APBB2: variants seen among roughly 807,000 people sequenced by gnomAD.
APBB2 encodes the protein amyloid beta precursor protein binding family B member 2, also known as Fe65-like 1.
APBB2 carries 38 observed loss-of-function variants against 82.5 expected under a neutral mutation model. The ratio of observed to expected loss-of-function variants is 0.46; its 90% CI spans 0.36 to 0.60. The LOEUF is 0.60. Among genes scored for constraint, APBB2 ranks in the 20% least tolerant of loss-of-function variants. The pLI is 0.00. For missense variants in APBB2, 772 were observed against 972.3 expected (o/e 0.79, Z 2.74); for synonymous variants, 341 against 368.2 (o/e 0.93, Z 0.85).
intron 12 of APBB2, among the ~76,000 whole-genome samples, chr4:40,882,143 G>C (rs796105802): frequency 6.6e-6 from 1 of 152,164 alleles, no homozygotes; most frequent in African/African-American, 2.4e-5. Flanking sequence ...TCATTTGAAC[G>C]GAGAATAGCA....
In APBB2 at chr4:40,815,693, TA is replaced by T; in HGVS notation, c.*398del. 5.4e-6 allele frequency: 1 copy of T among 183,882 alleles called. No individual in the cohort carries two copies. The highest frequency in any genetic ancestry group is 1.2e-5 in the Non-Finnish European group (1 of 85,218). The allele number at this position is 183,882 out of a possible 1,614,324, so 11.4% of individuals were successfully genotyped here. On this transcript the variant is annotated 3_prime_UTR_variant, in exon 18 of 18. Transcript: ENST00000508593. The stretch of plus-strand genomic sequence containing the variant: ...AAACAGGGCAAAGTGCTGTAGGACT[TA>T]AAGGTTGCTTGTGACAGGTCCAGCC...
chr4:40,959,866 C>T (rs1792609808), intron 6 of APBB2, among the ~76,000 whole-genome samples: 1 of 152,190 alleles, frequency 6.6e-6, no homozygotes, highest in Non-Finnish European at 1.5e-5. Context: ...CTTGATCCCA[C>T]AAAATCTTGC....
intron 5 of APBB2, among the ~76,000 whole-genome samples, chr4:41,016,078 CAT>C (rs928232345): frequency 6.6e-6 from 1 of 151,760 alleles, no homozygotes; most frequent in African/African-American, 2.4e-5. Context: ...CCCTGAGACA[CAT>C]ATCCAGAGCA....
At chr4:40,966,753 G>A (rs539062841) in intron 6 of APBB2, among the ~76,000 whole-genome samples, 1 of 152,314 alleles carries the variant, frequency 6.6e-6, no homozygotes, top group Admixed American at 6.5e-5. Flanking sequence ...GAGAGGCTGA[G>A]GGGAGGTTAA....
chr4:40,976,047 T>C (rs1215429335), intron 6 of APBB2, among the ~76,000 whole-genome samples: 1 of 152,202 alleles, frequency 6.6e-6, no homozygotes, highest in Non-Finnish European at 1.5e-5. Context: ...TATCCTTCTT[T>C]CTGGCCAAAA....
chr4:40,955,983 A>G (rs1276740866), intron 6 of APBB2, among the ~76,000 whole-genome samples: 1 of 152,054 alleles, frequency 6.6e-6, no homozygotes, highest in Non-Finnish European at 1.5e-5. Flanking sequence ...CATGTTGGCC[A>G]GGCTGGTCTC....
intron 12 of APBB2, among the ~76,000 whole-genome samples, chr4:40,881,589 AG>A (rs1768634209): frequency 7.8e-6 from 1 of 127,926 alleles, no homozygotes; most frequent in African/African-American, 3.0e-5. Flanking sequence ...GCTGGAATGC[AG>A]CAGTGCAATC....
intron 6 of APBB2, among the ~76,000 whole-genome samples, chr4:40,982,396 GA>G (rs1433388175): frequency 1.4e-3 from 46 of 33,908 alleles, no homozygotes; most frequent in East Asian, 8.2e-3. Context: ...GGAAGGAAAG[GA>G]AAGGAAAGAA....
intron 1 of APBB2, among the ~76,000 whole-genome samples, chr4:41,150,045 G>A (rs1048957144): frequency 6.6e-6 from 1 of 152,104 alleles, no homozygotes; most frequent in Admixed American, 6.5e-5. Flanking sequence ...ATACACTGGG[G>A]TTCTTACATA....
At position 41,047,688 on chromosome 4, in the gene APBB2, T is replaced by A. The variant is rs568641396; in HGVS notation, c.-50-14384A>T. On this transcript the variant is annotated intron_variant, in intron 4 of 17. Transcript: ENST00000508593. ...CCAGGCTCCAATCCTGGTCTAACGA[T>A]CCCAGAATCCTTAGTTTAACATTCT... 4.6e-5 allele frequency among the ~76,000 whole-genome samples: 7 copies of A among 152,324 alleles called. No individual in the cohort carries two copies. The South Asian group carries it at 8.3e-4, about 18-fold the overall frequency.
chr4:41,079,808 A>G (rs900188752), intron 3 of APBB2, among the ~76,000 whole-genome samples: 1 of 152,074 alleles, frequency 6.6e-6, no homozygotes, highest in African/African-American at 2.4e-5. Context: ...TGGCCTCCCA[A>G]AGTGCTGGGA....
chr4:41,037,703 C>G (rs7665460), intron 4 of APBB2, among the ~76,000 whole-genome samples: 6,975 of 152,122 alleles, frequency 0.046, 331 homozygotes, highest in African/African-American at 0.12. Context: ...AAGTCCTGAT[C>G]TAGAGAATGT....
At chr4:41,033,403 T>C in intron 4 of APBB2, 99 bp from the exon 5 acceptor site, 2 of 744,922 alleles carry the variant, frequency 2.7e-6, no homozygotes, top group East Asian at 3.3e-5. Flanking sequence ...AGCTGTTATA[T>C]ATACCAAACA....
chr4:40,919,227 C>T (rs903191669), intron 10 of APBB2, among the ~76,000 whole-genome samples: 1 of 152,176 alleles, frequency 6.6e-6, no homozygotes, highest in African/African-American at 2.4e-5. Context: ...TACACAGGCA[C>T]GCACATGCAC....
At chr4:41,070,938 T>C (rs910600535) in intron 3 of APBB2, among the ~76,000 whole-genome samples, 2 of 152,250 alleles carry the variant, frequency 1.3e-5, no homozygotes, top group African/African-American at 4.8e-5. Context: ...AGTGTGCAGC[T>C]TTTTAATTAC....
intron 4 of APBB2, among the ~76,000 whole-genome samples, chr4:41,060,032 G>C (rs1301853407): frequency 6.6e-6 from 1 of 151,986 alleles, no homozygotes; most frequent in Non-Finnish European, 1.5e-5. Context: ...CAGAAGCCAG[G>C]ACACCCATGG....
At chr4:41,000,069 A>ATGTGTGTATGTG (rs1553902979) in intron 6 of APBB2, among the ~76,000 whole-genome samples, 2 of 130,636 alleles carry the variant, frequency 1.5e-5, no homozygotes, top group African/African-American at 6.2e-5. Context: ...ATATGTGTGT[A>ATGTGTGTATGTG]TGTGTGTGTG....
intron 6 of APBB2, among the ~76,000 whole-genome samples, chr4:40,948,338 C>G (rs1283407294): frequency 6.6e-6 from 1 of 152,142 alleles, no homozygotes; most frequent in Non-Finnish European, 1.5e-5. Flanking sequence ...AATCCCAGCA[C>G]TCTAGGAAGC....
chr4:41,087,113 C>G (rs1425493288), intron 3 of APBB2, among the ~76,000 whole-genome samples: 1 of 152,170 alleles, frequency 6.6e-6, no homozygotes, highest in Non-Finnish European at 1.5e-5. Flanking sequence ...GCACTCCAGT[C>G]TGGGAGACAG....
Sources: gnomAD v4.1 joint callset for allele counts (sites outside exome capture counted in the v4.1 genomes callset) on GRCh38, gnomAD v4.1.1 for gene constraint, MANE v1.5 for transcripts, NCBI Gene and HGNC (gene_info 2026-07-23, HGNC 2026-07-21) for gene names.